The following CADM1 variants were observed in gnomAD, a reference collection of about 807,000 sequenced individuals.
CADM1 encodes TSLC-1.
In CADM1, 15 loss-of-function variants were observed where a neutral mutation model predicts 53.1. The observed-to-expected ratio is 0.28, with a 90% CI of 0.19 to 0.44. The LOEUF (loss-of-function observed/expected upper bound fraction) is 0.44, where lower values mean the gene tolerates loss of function less well. Among genes scored for constraint, CADM1 ranks in the 20% least tolerant of loss-of-function variants. CADM1 has a pLI of 1.00. For synonymous variants in CADM1, 281 were observed against 243.0 expected, an observed-to-expected ratio of 1.16 and a Z score of -1.45; for missense variants, 434 against 611.3, an observed-to-expected ratio of 0.71 and a Z score of 3.06.
intron 1 of CADM1, among the ~76,000 whole-genome samples, chr11:115,436,981 G>A (rs1948197559): frequency 6.6e-6 from 1 of 152,168 alleles, no homozygotes; most frequent in African/African-American, 2.4e-5. Flanking sequence ...AAAAGCATTG[G>A]CAATACAGAT....
intron 1 of CADM1, among the ~76,000 whole-genome samples, chr11:115,298,147 C>A (rs928395589): frequency 6.6e-6 from 1 of 152,192 alleles, no homozygotes; most frequent in East Asian, 1.9e-4. Flanking sequence ...GAGACTTAGA[C>A]ACAAGTCTCA....
intron 1 of CADM1, among the ~76,000 whole-genome samples, chr11:115,347,564 G>A (rs1945613167): frequency 6.6e-6 from 1 of 151,990 alleles, no homozygotes; most frequent in Admixed American, 6.6e-5. Flanking sequence ...GTCTTTAAAG[G>A]CTAATAGTTC....
intron 1 of CADM1, among the ~76,000 whole-genome samples, chr11:115,487,592 A>G (rs1416148998): frequency 6.6e-6 from 1 of 152,234 alleles, no homozygotes; most frequent in Non-Finnish European, 1.5e-5. Context: ...CTGAAATTCT[A>G]ACTTTCTAGA....
At chr11:115,190,618 G>A in intron 10 of CADM1, 1 of 439,406 alleles carries the variant, frequency 2.3e-6, no homozygotes, top group Admixed American at 3.8e-5. Flanking sequence ...TGAAGCCACT[G>A]AACAGAGGGG....
intron 1 of CADM1, among the ~76,000 whole-genome samples, chr11:115,345,654 C>T (rs529710657): frequency 6.6e-6 from 1 of 152,322 alleles, no homozygotes; most frequent in South Asian, 2.1e-4. Context: ...CCACTCCCAA[C>T]AACTGAGCTG....
At chr11:115,265,274 G>A (rs1371852269) in intron 1 of CADM1, among the ~76,000 whole-genome samples, 1 of 152,134 alleles carries the variant, frequency 6.6e-6, no homozygotes, top group African/African-American at 2.4e-5. Context: ...AAGGAAAGAA[G>A]TGACTTTAAC....
chr11:115,230,838 C>A (rs1349840591), intron 4 of CADM1, among the ~76,000 whole-genome samples: 1 of 152,220 alleles, frequency 6.6e-6, no homozygotes, highest in Non-Finnish European at 1.5e-5. Flanking sequence ...CTTAGTGCAA[C>A]CACTCTTGCA....
At chr11:115,226,485 C>T (rs1368895802) in intron 5 of CADM1, among the ~76,000 whole-genome samples, 1 of 152,196 alleles carries the variant, frequency 6.6e-6, no homozygotes, top group African/African-American at 2.4e-5. Flanking sequence ...GAACTGCTGA[C>T]TTCAACGGCA....
At chr11:115,417,438 T>A (rs1360827181) in intron 1 of CADM1, among the ~76,000 whole-genome samples, 1 of 152,226 alleles carries the variant, frequency 6.6e-6, no homozygotes, top group Non-Finnish European at 1.5e-5. Context: ...AAACTCCATA[T>A]ATCCTACGTC....
At chr11:115,470,666 A>AT (rs1317729996) in intron 1 of CADM1, among the ~76,000 whole-genome samples, 10 of 152,304 alleles carry the variant, frequency 6.6e-5, no homozygotes, top group Admixed American at 4.6e-4. Context: ...AGGGCCTACT[A>AT]TGCAGCAAAT....
intron 1 of CADM1, among the ~76,000 whole-genome samples, chr11:115,461,146 A>G (rs1398679161): frequency 6.6e-6 from 1 of 152,094 alleles, no homozygotes. Flanking sequence ...CTTGTATTAT[A>G]TAATAAGTAT....
intron 1 of CADM1, among the ~76,000 whole-genome samples, chr11:115,245,911 C>A (rs1045162237): frequency 6.6e-6 from 1 of 152,116 alleles, no homozygotes; most frequent in Admixed American, 6.5e-5. Flanking sequence ...AGTTTTATAT[C>A]AAATCAGAAA....
chr11:115,248,863 C>G (rs972755542), intron 1 of CADM1, among the ~76,000 whole-genome samples: 1 of 152,142 alleles, frequency 6.6e-6, no homozygotes, highest in African/African-American at 2.4e-5. Flanking sequence ...TTGAAATCAC[C>G]TTGTGGAAGA....
chr11:115,345,980 T>G (rs1325046783), intron 1 of CADM1, among the ~76,000 whole-genome samples: 1 of 152,236 alleles, frequency 6.6e-6, no homozygotes, highest in Non-Finnish European at 1.5e-5. Context: ...GTCTTTTCTT[T>G]GTATCCTCAT....
chr11:115,468,117 A>G (rs1178104050), intron 1 of CADM1, among the ~76,000 whole-genome samples: 1 of 152,238 alleles, frequency 6.6e-6, no homozygotes, highest in Non-Finnish European at 1.5e-5. Flanking sequence ...AGTAAACTGT[A>G]ATGATAATTT....
chr11:115,464,721 A>C (rs1162241156), intron 1 of CADM1, among the ~76,000 whole-genome samples: 3 of 152,236 alleles, frequency 2.0e-5, no homozygotes, highest in Non-Finnish European at 4.4e-5. Context: ...AAAAGAAAAC[A>C]ATTTACAGTT....
In CADM1 at chr11:115,242,336, G is replaced by GA. The variant is rs200660668; in HGVS notation, c.125-1917dup. 7.6e-3 allele frequency among the ~76,000 whole-genome samples: 436 copies of GA among 57,598 alleles called. 7 individuals carry two copies. The highest frequency in any genetic ancestry group is 0.054 in the East Asian group (107 of 1,974). 37.8% of individuals were successfully genotyped at this position (57,598 alleles called of 152,430 possible). A position where few individuals can be genotyped will look rare whatever the true frequency, so the allele number is the denominator to read the frequency against. Reference sequence around the variant, plus strand: ...TAACAACAAAGAGAAAAGGTGATCAGAAAAAAAAAAAAAAAAAAATGAACA... The same window carrying GA: ...TAACAACAAAGAGAAAAGGTGATCAGAAAAAAAAAAAAAAAAAAAATGAACA... On this transcript the variant is annotated intron_variant, in intron 1 of 11. Coordinates refer to ENST00000331581, the MANE Select transcript of CADM1 (RefSeq NM_001301043.2).
rs1026017366 is a variant in CADM1, at chr11:115,207,807, T to C, written c.1078+1767A>G. On this transcript the variant is annotated intron_variant, in intron 8 of 11. Transcript: ENST00000331581. ...CTGCGAAGATAAAATAGACTGGTGATATATTTTCTTAAAGGGTTAATATAT... is the reference window on the plus strand; with the variant it reads ...CTGCGAAGATAAAATAGACTGGTGACATATTTTCTTAAAGGGTTAATATAT... Among the ~76,000 whole-genome samples, 21 of 152,202 alleles carry C rather than the reference T, an allele frequency of 1.4e-4. 1 individual carries two copies. Among genetic ancestry groups the C allele is most frequent in the Admixed American group, 1.0e-3 (16 of 15,274 alleles).
intron 1 of CADM1, among the ~76,000 whole-genome samples, chr11:115,265,369 G>C (rs1943106582): frequency 1.3e-5 from 2 of 152,124 alleles, no homozygotes; most frequent in Admixed American, 1.3e-4. Flanking sequence ...GTCTTCCTGG[G>C]CCTCTGGCTT....
Sources: allele counts gnomAD v4.1 joint callset (sites outside exome capture counted in the v4.1 genomes callset), GRCh38; gene constraint gnomAD v4.1.1; transcripts MANE v1.5; gene names NCBI Gene and HGNC (gene_info 2026-07-23, HGNC 2026-07-21).